Variants in ARHGEF3 observed in about 807,000 individuals in gnomAD.
ARHGEF3 encodes Rho guanine nucleotide exchange factor 3, also known as 59.8 kDA protein.
A neutral mutation model predicts 63.2 loss-of-function variants in ARHGEF3; 28 were observed. The observed-to-expected ratio is 0.44, with a 90% CI of 0.33 to 0.61. ARHGEF3 has a LOEUF of 0.61. Among genes scored for constraint, ARHGEF3 ranks in the 20% least tolerant of loss-of-function variants. ARHGEF3 has a pLI of 0.03. For synonymous variants in ARHGEF3, 266 were observed against 254.2 expected, an observed-to-expected ratio of 1.05 and a Z score of -0.44; for missense variants, 533 against 659.3, an observed-to-expected ratio of 0.81 and a Z score of 2.10.
At chr3:56,921,004 G>A (rs1341796260) in intron 3 of ARHGEF3, among the ~76,000 whole-genome samples, 4 of 137,616 alleles carry the variant, frequency 2.9e-5, no homozygotes, top group African/African-American at 8.3e-5. Context: ...GCAGTGAGCC[G>A]AGATTGCACC....
intron 4 of ARHGEF3, among the ~76,000 whole-genome samples, chr3:56,752,082 CTT>C (rs11328785): frequency 2.0e-5 from 3 of 148,122 alleles, no homozygotes; most frequent in African/African-American, 7.4e-5. Context: ...ATATTTTTTT[CTT>C]TTTTTTTTTG....
At chr3:56,893,234 A>G (rs1197775800) in intron 3 of ARHGEF3, among the ~76,000 whole-genome samples, 2 of 152,082 alleles carry the variant, frequency 1.3e-5, no homozygotes, top group Non-Finnish European at 2.9e-5. Flanking sequence ...CTGAAGTGCA[A>G]TGACATGATC....
At chr3:56,939,346 T>C (rs1699063950) in intron 3 of ARHGEF3, among the ~76,000 whole-genome samples, 2 of 152,176 alleles carry the variant, frequency 1.3e-5, no homozygotes, top group South Asian at 4.2e-4. Context: ...TGCTTTCAAA[T>C]ACATAAGGCT....
chr3:56,816,160 A>G (rs12488986), intron 4 of ARHGEF3, among the ~76,000 whole-genome samples: 27,222 of 152,144 alleles, frequency 0.18, 2,514 homozygotes, highest in South Asian at 0.29. Context: ...GGTTACAGTG[A>G]GCTATGATTG....
At chr3:57,007,143 T>C in intron 2 of ARHGEF3, 1 of 1,231,694 alleles carries the variant, frequency 8.1e-7, no homozygotes. Context: ...TTTTATGTTA[T>C]TCATCCATAA....
At chr3:56,882,186 C>T in intron 4 of ARHGEF3, 1 of 1,114,628 alleles carries the variant, frequency 9.0e-7, no homozygotes, top group Non-Finnish European at 1.3e-6. Flanking sequence ...CTTCCATAGT[C>T]AGATCCTGGA....
chr3:57,041,440 C>T (rs1190467008), intron 1 of ARHGEF3, among the ~76,000 whole-genome samples: 4 of 152,234 alleles, frequency 2.6e-5, no homozygotes, highest in Non-Finnish European at 4.4e-5. Flanking sequence ...AGAGCCCATG[C>T]TCTTAAGCCA....
At chr3:56,776,770 A>G (rs1315945826) in intron 1 of ARHGEF3, among the ~76,000 whole-genome samples, 1 of 152,216 alleles carries the variant, frequency 6.6e-6, no homozygotes, top group African/African-American at 2.4e-5. Flanking sequence ...CACAACCTGC[A>G]GGGACGCTTC....
At chr3:56,839,198 A>G (rs1267168897) in intron 4 of ARHGEF3, among the ~76,000 whole-genome samples, 2 of 152,056 alleles carry the variant, frequency 1.3e-5, no homozygotes, top group South Asian at 2.1e-4. Context: ...CATAATATCC[A>G]TTTACATAAC....
At chr3:57,064,382 G>A (rs902256987) in intron 1 of ARHGEF3, among the ~76,000 whole-genome samples, 2 of 151,212 alleles carry the variant, frequency 1.3e-5, no homozygotes, top group Non-Finnish European at 2.9e-5. Flanking sequence ...GGGATGCAGC[G>A]GCAAGATCAC....
intron 1 of ARHGEF3, among the ~76,000 whole-genome samples, chr3:56,791,606 G>T (rs891730415): frequency 2.6e-5 from 4 of 152,086 alleles, no homozygotes; most frequent in Non-Finnish European, 4.4e-5. Flanking sequence ...CTTTAACGGG[G>T]TTCACTTAGA....
intron 1 of ARHGEF3, among the ~76,000 whole-genome samples, chr3:56,784,578 T>C (rs1229337564): frequency 6.6e-6 from 1 of 152,200 alleles, no homozygotes; most frequent in African/African-American, 2.4e-5. Flanking sequence ...ATGTTCTGCA[T>C]TTGTTTATCA....
intron 4 of ARHGEF3, among the ~76,000 whole-genome samples, chr3:56,844,574 C>A (rs1325824844): frequency 6.6e-6 from 1 of 152,084 alleles, no homozygotes; most frequent in Non-Finnish European, 1.5e-5. Flanking sequence ...CTGCTGCCAC[C>A]AGGATTCCAG....
intron 2 of ARHGEF3, among the ~76,000 whole-genome samples, chr3:57,009,413 C>T (rs983958846): frequency 2.0e-5 from 3 of 152,186 alleles, no homozygotes; most frequent in Admixed American, 1.3e-4. Flanking sequence ...TGGGCTGTCT[C>T]GCACAACCCG....
At chr3:57,037,744 G>A (rs1704021317) in intron 1 of ARHGEF3, among the ~76,000 whole-genome samples, 1 of 152,154 alleles carries the variant, frequency 6.6e-6, no homozygotes, top group Admixed American at 6.5e-5. Context: ...GCTTGGTGGC[G>A]GGCACCTATA....
chr3:57,036,484 A>T (rs145634240), intron 1 of ARHGEF3, among the ~76,000 whole-genome samples: 1 of 152,284 alleles, frequency 6.6e-6, no homozygotes, highest in African/African-American at 2.4e-5. Context: ...TCGCTTCCTG[A>T]ACATTTGCCC....
chr3:56,868,949 A>G (rs2040345564), intron 4 of ARHGEF3, among the ~76,000 whole-genome samples: 1 of 152,132 alleles, frequency 6.6e-6, no homozygotes, highest in African/African-American at 2.4e-5. Flanking sequence ...GAATTAGTGG[A>G]CGCGCTGAGT....
intron 4 of ARHGEF3, chr3:56,882,243 G>C: frequency 6.7e-7 from 1 of 1,501,298 alleles, no homozygotes; most frequent in African/African-American, 1.4e-5. Flanking sequence ...AACCTTCGGA[G>C]AAGAGAGATG....
At chr3:56,967,839 A>C (rs1700634975) in intron 2 of ARHGEF3, among the ~76,000 whole-genome samples, 1 of 57,450 alleles carries the variant, frequency 1.7e-5, no homozygotes, top group Non-Finnish European at 3.0e-5. Flanking sequence ...TATATTAATT[A>C]TATTATTATA....
Sources: allele counts gnomAD v4.1 joint callset (sites outside exome capture counted in the v4.1 genomes callset), GRCh38; gene constraint gnomAD v4.1.1; transcripts MANE v1.5; gene names NCBI Gene and HGNC (gene_info 2026-07-23, HGNC 2026-07-21).